Variants in EPHA5 observed in about 807,000 individuals in gnomAD.
The protein encoded by EPHA5 is ephrin type-A receptor 5.
Under a neutral mutation model 105.0 loss-of-function variants are expected in EPHA5, and 60 were observed. The ratio of observed to expected loss-of-function variants is 0.57; its 90% CI spans 0.46 to 0.71. The LOEUF is 0.71. EPHA5 is among the 30% of genes least tolerant of loss of function. The probability of loss-of-function intolerance (pLI) is 0.00; values close to 1 mark genes in which losing one functional copy is unlikely to be tolerated. For synonymous variants in EPHA5, 513 were observed against 449.1 expected (o/e 1.14, Z -1.80); for missense variants, 1,218 against 1,274.7 (o/e 0.96, Z 0.68).
At chr4:65,465,370 G>A (rs921821287) in intron 5 of EPHA5, among the ~76,000 whole-genome samples, 3 of 151,318 alleles carry the variant, frequency 2.0e-5, no homozygotes, top group African/African-American at 7.3e-5. Flanking sequence ...AAGTTGCAGT[G>A]AGCCGAGATC....
At chr4:65,333,651 A>G (rs1463067902) in intron 15 of EPHA5, among the ~76,000 whole-genome samples, 2 of 133,622 alleles carry the variant, frequency 1.5e-5, no homozygotes, top group African/African-American at 5.7e-5. Flanking sequence ...TTAAAACTCT[A>G]AGGGAGCCAG....
At chr4:65,399,107 A>G (rs1376835076) in intron 8 of EPHA5, among the ~76,000 whole-genome samples, 1 of 152,170 alleles carries the variant, frequency 6.6e-6, no homozygotes, top group African/African-American at 2.4e-5. Flanking sequence ...CAGGAATGTG[A>G]CACCCTCTTT....
At chr4:65,443,338 A>G (rs979301099) in intron 5 of EPHA5, among the ~76,000 whole-genome samples, 4 of 151,720 alleles carry the variant, frequency 2.6e-5, no homozygotes, top group African/African-American at 7.3e-5. Flanking sequence ...ATTGTATGAG[A>G]TGGAATCTTG....
At chr4:65,622,217 C>T (rs1023787392) in intron 2 of EPHA5, among the ~76,000 whole-genome samples, 1 of 152,040 alleles carries the variant, frequency 6.6e-6, no homozygotes. Flanking sequence ...GTGTTCTCTT[C>T]CACAGTGAAC....
At chr4:65,494,719 A>T (rs1300371950) in intron 4 of EPHA5, among the ~76,000 whole-genome samples, 1 of 152,196 alleles carries the variant, frequency 6.6e-6, no homozygotes, top group African/African-American at 2.4e-5. Context: ...AGTTAAGGAC[A>T]CTCACTAACA....
At chr4:65,394,763 G>A (rs182868732) in intron 8 of EPHA5, among the ~76,000 whole-genome samples, 227 of 152,210 alleles carry the variant, frequency 1.5e-3, no homozygotes, top group African/African-American at 5.2e-3. Flanking sequence ...TTGAGACATC[G>A]TGGTGTTGTG....
At chr4:65,444,355 ATAT>A (rs1726310914) in intron 5 of EPHA5, among the ~76,000 whole-genome samples, 1 of 152,178 alleles carries the variant, frequency 6.6e-6, no homozygotes, top group Admixed American at 6.5e-5. Flanking sequence ...GCCCAGTATA[ATAT>A]TATTGTAGAT....
intron 3 of EPHA5, among the ~76,000 whole-genome samples, chr4:65,522,412 G>A (rs1027703036): frequency 6.6e-6 from 1 of 151,054 alleles, no homozygotes; most frequent in African/African-American, 2.4e-5. Context: ...TCATACTGGC[G>A]AGGAAAAGAA....
At chr4:65,633,665 T>C (rs552042920) in intron 2 of EPHA5, among the ~76,000 whole-genome samples, 93 of 151,770 alleles carry the variant, frequency 6.1e-4, no homozygotes, top group African/African-American at 2.1e-3. Flanking sequence ...CTATACATAA[T>C]GGGGAAAAGG....
At chr4:65,354,816 C>T (rs1471257592) in intron 11 of EPHA5, among the ~76,000 whole-genome samples, 3 of 151,728 alleles carry the variant, frequency 2.0e-5, no homozygotes, top group African/African-American at 7.2e-5. Flanking sequence ...TCACTTAAAA[C>T]TCACCGTTTA....
intron 3 of EPHA5, among the ~76,000 whole-genome samples, chr4:65,503,438 T>C (rs1414645932): frequency 6.6e-6 from 1 of 151,804 alleles, no homozygotes; most frequent in Non-Finnish European, 1.5e-5. Context: ...CTTGAGAATC[T>C]AGGGTTAACT....
At chr4:65,432,858 A>G (rs1018912656) in intron 5 of EPHA5, among the ~76,000 whole-genome samples, 1 of 151,380 alleles carries the variant, frequency 6.6e-6, no homozygotes, top group Non-Finnish European at 1.5e-5. Context: ...TAAAGTATAT[A>G]TTATATATAA....
In EPHA5 at chr4:65,354,435, T is replaced by C. The variant is rs368712926; in HGVS notation, c.2174-1332A>G. On this transcript the variant is annotated intron_variant, in intron 11 of 16. Transcript: ENST00000613740. Reference sequence around the variant, plus strand: ...ATCATTCCACATTTTCACTATATTTTAAGACACACCCCTTTACTCTTTAAT... The same window carrying C: ...ATCATTCCACATTTTCACTATATTTCAAGACACACCCCTTTACTCTTTAAT... 1.4e-3 allele frequency among the ~76,000 whole-genome samples: 214 copies of C among 151,886 alleles called. 5 individuals carry two copies. In the South Asian group the frequency reaches 0.043, roughly 30 times the overall value.
At chr4:65,585,119 T>TG (rs1741989318) in intron 3 of EPHA5, among the ~76,000 whole-genome samples, 1 of 118,172 alleles carries the variant, frequency 8.5e-6, no homozygotes, top group Non-Finnish European at 1.8e-5. Flanking sequence ...TGCATGTGTG[T>TG]TTGTGTGTGT....
chr4:65,651,934 T>C (rs1280557067), intron 1 of EPHA5, among the ~76,000 whole-genome samples: 1 of 152,170 alleles, frequency 6.6e-6, no homozygotes, highest in Non-Finnish European at 1.5e-5. Flanking sequence ...AGCTAAATTA[T>C]GACTAATGAG....
At chr4:65,546,686 A>G (rs1485399038) in intron 3 of EPHA5, among the ~76,000 whole-genome samples, 1 of 152,068 alleles carries the variant, frequency 6.6e-6, no homozygotes, top group Non-Finnish European at 1.5e-5. Context: ...TCACATTAAT[A>G]GTAATGACTT....
intron 2 of EPHA5, among the ~76,000 whole-genome samples, chr4:65,607,391 C>T (rs1010374961): frequency 3.3e-5 from 5 of 151,930 alleles, no homozygotes; most frequent in African/African-American, 4.8e-5. Flanking sequence ...AACAGGCAAC[C>T]TACAGAATGG....
At chr4:65,545,230 T>C (rs2149329390) in intron 3 of EPHA5, among the ~76,000 whole-genome samples, 1 of 152,028 alleles carries the variant, frequency 6.6e-6, no homozygotes, top group African/African-American at 2.4e-5. Context: ...ATATTTTTGC[T>C]ATCTTCCCTT....
At chr4:65,332,167 TA>T in intron 15 of EPHA5, 39 bp from the exon 16 acceptor site, 1 of 1,479,514 alleles carries the variant, frequency 6.8e-7, no homozygotes, top group Non-Finnish European at 9.1e-7. Context: ...AGTTACAATT[TA>T]ATTCTTTTAT....
Sources: allele counts gnomAD v4.1 joint callset (sites outside exome capture counted in the v4.1 genomes callset), GRCh38; gene constraint gnomAD v4.1.1; transcripts MANE v1.5; gene names NCBI Gene and HGNC (gene_info 2026-07-23, HGNC 2026-07-21).